DGKB: variants seen among roughly 807,000 people sequenced by gnomAD.
DGKB encodes the protein 90 kDa diacylglycerol kinase.
DGKB carries 67 observed loss-of-function variants against 114.3 expected under a neutral mutation model. The ratio of observed to expected loss-of-function variants is 0.59; its 90% CI spans 0.48 to 0.72. DGKB has a LOEUF of 0.72. DGKB is among the 30% of genes least tolerant of loss of function. The pLI, the probability that DGKB is intolerant of heterozygous loss-of-function variation, is 0.00. For missense variants in DGKB, 907 were observed against 975.2 expected, an observed-to-expected ratio of 0.93 and a Z score of 0.93; for synonymous variants, 398 against 323.1, an observed-to-expected ratio of 1.23 and a Z score of -2.49.
At chr7:14,151,739 CTGT>C (rs1392538009) in intron 25 of DGKB, among the ~76,000 whole-genome samples, 27 of 151,988 alleles carry the variant, frequency 1.8e-4, no homozygotes, top group African/African-American at 6.3e-4. Context: ...TCCTTTTTGT[CTGT>C]TGTTTATGGA....
intron 1 of DGKB, among the ~76,000 whole-genome samples, chr7:14,910,342 A>C (rs1783939895): frequency 6.9e-6 from 1 of 144,120 alleles, no homozygotes; most frequent in Admixed American, 6.7e-5. Context: ...GAAGGCAAAA[A>C]ACAAAACAAA....
At chr7:14,343,317 G>T (rs990469371) in intron 22 of DGKB, among the ~76,000 whole-genome samples, 12 of 151,772 alleles carry the variant, frequency 7.9e-5, no homozygotes, top group Non-Finnish European at 1.8e-4. Flanking sequence ...CAGGCTGAGA[G>T]AGTAAGCAGA....
chr7:14,402,400 T>C (rs1823273654), intron 21 of DGKB, among the ~76,000 whole-genome samples: 1 of 151,806 alleles, frequency 6.6e-6, no homozygotes, highest in African/African-American at 2.4e-5. Context: ...ACATTGCTTT[T>C]GCTTTTTTTT....
intron 23 of DGKB, among the ~76,000 whole-genome samples, chr7:14,210,800 C>G (rs1433749255): frequency 6.6e-6 from 1 of 152,054 alleles, no homozygotes; most frequent in African/African-American, 2.4e-5. Flanking sequence ...TCTACATAAA[C>G]CAGCACCTAC....
intron 2 of DGKB, among the ~76,000 whole-genome samples, chr7:14,832,919 C>T (rs1441161686): frequency 2.0e-5 from 3 of 152,064 alleles, no homozygotes; most frequent in African/African-American, 7.2e-5. Flanking sequence ...GAATTTATAT[C>T]TCAATCTGAT....
chr7:14,807,635 A>T (rs897141026), intron 2 of DGKB, among the ~76,000 whole-genome samples: 8 of 152,032 alleles, frequency 5.3e-5, no homozygotes, highest in Non-Finnish European at 1.2e-4. Context: ...AAAGAGATAG[A>T]TTTGAACATA....
intron 17 of DGKB, among the ~76,000 whole-genome samples, chr7:14,586,855 C>CAA (rs398066647): frequency 0.024 from 3,482 of 144,616 alleles, 146 homozygotes; most frequent in African/African-American, 0.08. Context: ...ACATATTTCT[C>CAA]AAAAAAAAAA....
intron 21 of DGKB, among the ~76,000 whole-genome samples, chr7:14,370,848 C>T (rs1315927896): frequency 6.6e-6 from 1 of 152,068 alleles, no homozygotes; most frequent in Non-Finnish European, 1.5e-5. Flanking sequence ...TCTCCAATGT[C>T]TATTGTTGCC....
intron 23 of DGKB, among the ~76,000 whole-genome samples, chr7:14,195,539 T>C (rs1045638537): frequency 2.0e-5 from 3 of 152,174 alleles, no homozygotes; most frequent in African/African-American, 7.2e-5. Context: ...GTGCCAACAT[T>C]ACTTTACATA....
intron 4 of DGKB, among the ~76,000 whole-genome samples, chr7:14,747,777 A>ACG (rs1374358213): frequency 1.3e-5 from 1 of 77,524 alleles, no homozygotes; most frequent in African/African-American, 1.3e-4. Context: ...ATCCACGCGC[A>ACG]CGCACACACA....
At chr7:14,168,630 T>A (rs185934267) in intron 25 of DGKB, among the ~76,000 whole-genome samples, 5 of 152,234 alleles carry the variant, frequency 3.3e-5, no homozygotes, top group Non-Finnish European at 5.9e-5. Context: ...TTATCAGAAA[T>A]TGCACTATGT....
chr7:14,668,886 G>C (rs183257612), intron 13 of DGKB, among the ~76,000 whole-genome samples: 1 of 152,070 alleles, frequency 6.6e-6, no homozygotes, highest in African/African-American at 2.4e-5. Context: ...TGAAGACTGG[G>C]CTGTGCCTAT....
intron 13 of DGKB, among the ~76,000 whole-genome samples, chr7:14,671,420 CTG>C (rs1269091622): frequency 6.6e-6 from 1 of 152,060 alleles, no homozygotes; most frequent in Non-Finnish European, 1.5e-5. Context: ...ATTATTAAAA[CTG>C]TGGGGATATT....
chr7:14,632,138 C>T lies in DGKB; in HGVS notation c.1135-1870G>A, dbSNP rs141084024. ...TCAAGAGCTTCAGATAGATCCTGGT[C>T]CACTTTCACTTTTACCATGCCCAAA... On this transcript the variant is annotated intron_variant, in intron 13 of 25. Coordinates refer to ENST00000402815, the MANE Select transcript of DGKB (RefSeq NM_001350709.2). Among the ~76,000 whole-genome samples, 702 of 152,042 alleles carry T rather than the reference C, an allele frequency of 4.6e-3. 4 individuals carry two copies. The highest frequency in any genetic ancestry group is 0.016 in the African/African-American group (654 of 41,506).
rs1232881979 is a variant in DGKB at position 14,283,629 on chromosome 7, G to A, written c.2122+54886C>T. ...CTTCAAACTATACTACAAGGCTACA[G>A]TAACCAAAACAGCATGGTACTGGTA... is the stretch of plus-strand genomic sequence containing the variant. On this transcript the variant is annotated intron_variant, in intron 23 of 25. Transcript: ENST00000402815. 9.3e-5 allele frequency among the ~76,000 whole-genome samples: 14 copies of A among 150,614 alleles called. No homozygotes were observed. In the East Asian group the frequency reaches 2.7e-3, roughly 29 times the overall value.
intron 20 of DGKB, among the ~76,000 whole-genome samples, chr7:14,543,591 G>T (rs76862912): frequency 6.6e-6 from 1 of 152,160 alleles, no homozygotes; most frequent in Non-Finnish European, 1.5e-5. Flanking sequence ...AAATCTCCCT[G>T]AACTTCACTT....
At chr7:14,645,707 A>G (rs1256379458) in intron 13 of DGKB, among the ~76,000 whole-genome samples, 1 of 152,032 alleles carries the variant, frequency 6.6e-6, no homozygotes, top group South Asian at 2.1e-4. Flanking sequence ...AAAGAAAAAA[A>G]AAAACCTGTC....
chr7:14,735,533 A>G (rs1263222557), intron 5 of DGKB, among the ~76,000 whole-genome samples: 1 of 152,210 alleles, frequency 6.6e-6, no homozygotes, highest in East Asian at 1.9e-4. Context: ...GTAAGTATGC[A>G]TCTCTAAAAA....
Position 14,483,642 on chromosome 7 carries a change from G to T in DGKB, c.1771-5417C>A, listed in dbSNP as rs114311666. 5.3e-3 allele frequency among the ~76,000 whole-genome samples: 805 copies of T among 152,194 alleles called. 8 individuals carry two copies. The highest frequency in any genetic ancestry group is 0.019 in the African/African-American group (784 of 41,524). ...TTGAAATGTTACCTTTGATGGTAAA[G>T]GTTTTTGAAAATATGATTAATAATT... On this transcript the variant is annotated intron_variant, in intron 20 of 25. Transcript: ENST00000402815.
Sources: allele counts gnomAD v4.1 joint callset (sites outside exome capture counted in the v4.1 genomes callset), GRCh38; gene constraint gnomAD v4.1.1; transcripts MANE v1.5; gene names NCBI Gene and HGNC (gene_info 2026-07-23, HGNC 2026-07-21).